Variants in MYCBPAP observed in about 807,000 individuals in gnomAD.
MYCBPAP encodes MYCBP associated protein.
Under a neutral mutation model 106.1 loss-of-function variants are expected in MYCBPAP, and 60 were observed. That is an observed-to-expected ratio of 0.57 (90% CI 0.46 to 0.70). MYCBPAP has a LOEUF of 0.70. Among genes scored for constraint, MYCBPAP ranks in the 30% least tolerant of loss-of-function variants. MYCBPAP has a pLI of 0.00. For synonymous variants in MYCBPAP, 407 were observed against 440.6 expected, an observed-to-expected ratio of 0.92 and a Z score of 0.95; for missense variants, 1,064 against 1,169.3, an observed-to-expected ratio of 0.91 and a Z score of 1.31.
rs2034355212 is a variant in MYCBPAP at position 50,523,612 on chromosome 17, G to A, written c.1463G>A (p.Gly488Glu). ...FDNREGVILP[G>E]EIKTFTFFFK... ...TCCCTCTCAGGTGTGATTCTGCCTG[G>A]AGAAATTAAAACATTTACCTTCTTC... Residue 488 changes from glycine (G) to glutamate (E), a missense_variant, in exon 12 of 19, where the codon GGA becomes GAA. Gly to Glu is a moderately conservative substitution (Grantham distance 98, BLOSUM62 -2). Coordinates refer to ENST00000323776, the MANE Select transcript of MYCBPAP (RefSeq NM_032133.6). The A allele has an allele frequency of 1.2e-6, 2 of 1,614,066 alleles. No individual in the cohort carries two copies. Among genetic ancestry groups the A allele is most frequent in the East Asian group, 2.2e-5 (1 of 44,902 alleles).
At chr17:50,528,071 C>A (rs2034517422) in intron 15 of MYCBPAP, 84 bp from the exon 16 acceptor site, 6 of 1,145,076 alleles carry the variant, frequency 5.2e-6, no homozygotes, top group Admixed American at 2.0e-5. Flanking sequence ...GCACCAGGGT[C>A]TTTGAAGGGA....
At chr17:50,509,597 T>C (rs536918245) in intron 1 of MYCBPAP, 2 of 158,400 alleles carry the variant, frequency 1.3e-5, no homozygotes, top group Admixed American at 6.0e-5. Flanking sequence ...GCTCTCGCTG[T>C]GTTGCCCCAG....
intron 1 of MYCBPAP, among the ~76,000 whole-genome samples, chr17:50,511,652 C>T (rs1343726680): frequency 3.3e-5 from 5 of 152,204 alleles, no homozygotes; most frequent in Admixed American, 6.5e-5. Flanking sequence ...CCCGTGCAAG[C>T]GGGGTGGTCT....
At chr17:50,520,672 T>G (rs2034226017) in intron 7 of MYCBPAP, among the ~76,000 whole-genome samples, 1 of 152,198 alleles carries the variant, frequency 6.6e-6, no homozygotes, top group Admixed American at 6.5e-5. Context: ...GCAGCACTGC[T>G]TTAGAGCCTG....
intron 4 of MYCBPAP, 45 bp downstream of exon 4, chr17:50,517,743 C>A (rs1336094870): frequency 1.9e-6 from 3 of 1,539,970 alleles, no homozygotes; most frequent in African/African-American, 2.7e-5. Context: ...TCACTGAAGT[C>A]ATTTTGGTCT....
At chr17:50,525,828 TG>T (rs2034438632) in intron 13 of MYCBPAP, 52 bp from the exon 14 acceptor site, 3 of 1,522,442 alleles carry the variant, frequency 2.0e-6, no homozygotes, top group Admixed American at 2.2e-5. Context: ...TTGAAGAAAC[TG>T]GGGCCTGCAC....
intron 1 of MYCBPAP, 122 bp from the exon 2 acceptor site, chr17:50,516,448 T>G: frequency 8.3e-7 from 1 of 1,205,394 alleles, no homozygotes; most frequent in South Asian, 1.7e-5. Context: ...TCTATCCAGC[T>G]GGTCAGCTCT....
intron 10 of MYCBPAP, 159 bp from the exon 11 acceptor site, chr17:50,522,780 G>T: frequency 2.1e-6 from 1 of 483,994 alleles, no homozygotes; most frequent in Non-Finnish European, 3.6e-6. Flanking sequence ...AACCACGCTG[G>T]AGTAGGATAC....
chr17:50,524,490 C>G (rs2034384622), intron 12 of MYCBPAP, among the ~76,000 whole-genome samples: 2 of 152,176 alleles, frequency 1.3e-5, no homozygotes, highest in South Asian at 2.1e-4. Flanking sequence ...TTCTGTGACA[C>G]TCACTGAAGC....
At chr17:50,516,999 G>A (rs933112213) in intron 2 of MYCBPAP, among the ~76,000 whole-genome samples, 5 of 152,186 alleles carry the variant, frequency 3.3e-5, no homozygotes, top group Non-Finnish European at 7.3e-5. Flanking sequence ...AGGAGCCAAG[G>A]TACAGCTCTG....
chr17:50,514,884 G>A, intron 1 of MYCBPAP: 2 of 452,178 alleles, frequency 4.4e-6, no homozygotes, highest in Non-Finnish European at 8.9e-6. Context: ...CAAGCGATCT[G>A]CCTGCCTTGG....
At position 50,519,862 on chromosome 17, in the gene MYCBPAP, A is replaced by G. The variant is rs947221011; in HGVS notation, c.916+75A>G. On this transcript the variant is annotated intron_variant, in intron 7 of 18. Transcript: ENST00000323776. ...GCAGGGTAGTGTGGAAGTGGCCAGC[A>G]TAGCTCTACAGTGAAACAGGCCCAG... 5 of 1,514,574 alleles carry G rather than the reference A, an allele frequency of 3.3e-6. No individual in the cohort carries two copies. In the African/African-American group the frequency reaches 5.5e-5, roughly 17 times the overall value. The allele number at this position is 1,514,574 out of a possible 1,614,324, so 93.8% of individuals were successfully genotyped here.
intron 6 of MYCBPAP, chr17:50,519,334 C>T (rs2034172968): frequency 1.7e-6 from 1 of 585,288 alleles, no homozygotes; most frequent in African/African-American, 1.9e-5. Flanking sequence ...TGTTTGTCTC[C>T]TAGGAGCTTA....
In MYCBPAP at chr17:50,519,139, G is replaced by GA. The variant is rs79976200; in HGVS notation, c.768+50_768+51insA. 5 of 1,254,130 alleles carry GA rather than the reference G, an allele frequency of 4.0e-6. No homozygotes were observed. The East Asian group carries it at 8.0e-5, about 20-fold the overall frequency. 77.7% of individuals were successfully genotyped at this position (1,254,130 alleles called of 1,614,324 possible). On this transcript the variant is annotated intron_variant, in intron 6 of 18. Coordinates refer to ENST00000323776, the MANE Select transcript of MYCBPAP (RefSeq NM_032133.6). ...CGGGGGCAGGGGGGTCCATGGAGGA[G>GA]GGGGCGGGGGCAGGTGTCTGGACAC...
At position 50,523,026 on chromosome 17, in the gene MYCBPAP, A is replaced by T. The variant is rs1242395436; in HGVS notation, c.1345A>T (p.Thr449Ser). ...AGAACTGACTGTGGTCAATAATGGC[A>T]CCGTGGCCATTTGGTATGACTGGCG... ...SSELTVVNNG[T>S]VAIWYDWRRQ... The change falls in exon 11 of 19, where the codon ACC becomes TCC. Residue 449 changes from threonine to serine, a missense_variant. Transcript: ENST00000323776. 6.2e-7 allele frequency: 1 copy of T among 1,613,970 alleles called. No individual in the cohort carries two copies. The highest frequency in any genetic ancestry group is 1.7e-5 in the Admixed American group (1 of 59,982).
At chr17:50,508,842 A>T in intron 1 of MYCBPAP, 92 bp downstream of exon 1, 2 of 1,138,438 alleles carry the variant, frequency 1.8e-6, no homozygotes, top group South Asian at 1.3e-5. Context: ...GAGGATGGGG[A>T]TGGCACCAGG....
At chr17:50,527,790 C>T (rs1042955822) in intron 15 of MYCBPAP, among the ~76,000 whole-genome samples, 1 of 152,272 alleles carries the variant, frequency 6.6e-6, no homozygotes, top group African/African-American at 2.4e-5. Context: ...GGGTCCTTTT[C>T]AAGGCCCTCA....
At position 50,528,838 on chromosome 17, in the gene MYCBPAP, G is replaced by C; in HGVS notation, c.2551G>C (p.Glu851Gln). 6.2e-7 allele frequency: 1 copy of C among 1,613,400 alleles called. No homozygotes were observed. Among genetic ancestry groups the C allele is most frequent in the Non-Finnish European group, 8.5e-7 (1 of 1,179,994 alleles). ...GAAAGGAGCCAAGCTGCTCGGGAAA[G>C]AGGCATGCTGGGGCGTGGTCTGGGC... The part of the protein sequence containing the change: ...DKKGAKLLGK[E>Q]DRPNSKKHKA... Residue 851 changes from glutamate (E) to glutamine (Q), a missense_variant and splice_region_variant, in exon 17 of 19, where the codon GAG (glutamate) becomes CAG (glutamine). Glu to Gln is a conservative substitution (Grantham distance 29, BLOSUM62 2). Transcript: ENST00000323776.
At chr17:50,510,497 G>GTGTATATA (rs1166909320) in intron 1 of MYCBPAP, 1 of 89,522 alleles carries the variant, frequency 1.1e-5, no homozygotes, top group African/African-American at 5.1e-5. Context: ...GTGTGTGTGT[G>GTGTATATA]TGTATATATA....
Sources: allele counts gnomAD v4.1 joint callset (sites outside exome capture counted in the v4.1 genomes callset), GRCh38; gene constraint gnomAD v4.1.1; transcripts MANE v1.5; gene names NCBI Gene and HGNC (gene_info 2026-07-23, HGNC 2026-07-21).